Variants in GPC5 observed in about 807,000 individuals in gnomAD.
GPC5 encodes glypican 5.
In GPC5, 47 loss-of-function variants were observed where a neutral mutation model predicts 53.9. The observed-to-expected ratio is 0.87, with a 90% CI of 0.69 to 1.11. The LOEUF is 1.11. GPC5 is among the 50% of genes most tolerant of loss of function. The pLI is 0.00. For missense variants in GPC5, 748 were observed against 713.1 expected (o/e 1.05, Z -0.56); for synonymous variants, 286 against 263.3 (o/e 1.09, Z -0.84).
At chr13:92,303,452 G>T (rs187051974) in intron 7 of GPC5, among the ~76,000 whole-genome samples, 2 of 150,706 alleles carry the variant, frequency 1.3e-5, no homozygotes, top group Admixed American at 1.3e-4. Flanking sequence ...TTCCAAACAG[G>T]TCAGTAATTG....
At chr13:92,240,545 C>T (rs2042604497) in intron 7 of GPC5, 1 of 152,016 alleles carries the variant, frequency 6.6e-6, no homozygotes, top group African/African-American at 2.4e-5. Flanking sequence ...GCTCTGTTGC[C>T]CAGGCTAGAG....
intron 6 of GPC5, among the ~76,000 whole-genome samples, chr13:92,121,582 ATCT>A (rs1476604144): frequency 6.6e-6 from 1 of 152,186 alleles, no homozygotes; most frequent in African/African-American, 2.4e-5. Context: ...CAACTTTTGA[ATCT>A]TCTTCATTTC....
At chr13:92,636,758 T>C (rs755310917) in intron 7 of GPC5, among the ~76,000 whole-genome samples, 8 of 152,200 alleles carry the variant, frequency 5.3e-5, no homozygotes, top group African/African-American at 1.7e-4. Context: ...GCCTGACATA[T>C]GGTAGGTACT....
intron 7 of GPC5, among the ~76,000 whole-genome samples, chr13:92,217,476 G>T: frequency 6.6e-6 from 1 of 152,098 alleles, no homozygotes; most frequent in East Asian, 1.9e-4. Context: ...CTGTCAGATT[G>T]GTTTAGCCAG....
At chr13:92,115,219 A>G (rs1408481643) in intron 6 of GPC5, among the ~76,000 whole-genome samples, 2 of 152,242 alleles carry the variant, frequency 1.3e-5, no homozygotes, top group East Asian at 1.9e-4. Flanking sequence ...AAAATTTAAA[A>G]CAATTCTGGC....
chr13:92,825,916 A>G (rs1480553226), intron 7 of GPC5, among the ~76,000 whole-genome samples: 1 of 152,154 alleles, frequency 6.6e-6, no homozygotes, highest in Non-Finnish European at 1.5e-5. Context: ...TATTGATTCT[A>G]AAACAGCATA....
At chr13:92,455,750 A>G (rs1293171197) in intron 7 of GPC5, among the ~76,000 whole-genome samples, 1 of 152,226 alleles carries the variant, frequency 6.6e-6, no homozygotes, top group Admixed American at 6.5e-5. Flanking sequence ...TTTCTGAGCT[A>G]TCAGCTATTA....
At chr13:92,314,222 CCT>C (rs1166482534) in intron 7 of GPC5, among the ~76,000 whole-genome samples, 8 of 152,002 alleles carry the variant, frequency 5.3e-5, no homozygotes, top group African/African-American at 1.2e-4. Context: ...TTGTACCTTT[CCT>C]CTCTCTCTCT....
At chr13:92,512,651 A>G (rs1307562789) in intron 7 of GPC5, among the ~76,000 whole-genome samples, 1 of 152,020 alleles carries the variant, frequency 6.6e-6, no homozygotes, top group East Asian at 1.9e-4. Context: ...GCTCTTCTGT[A>G]TTTTCAGTGT....
Position 92,866,514 on chromosome 13 carries a change from A to T in GPC5, c.*75A>T, listed in dbSNP as rs1231953350. On this transcript the variant is annotated 3_prime_UTR_variant, in exon 8 of 8. Transcript: ENST00000377067. ...TCTCTGCATATGCCTGGAATAAGAG[A>T]TCCTTTTTCAATGTAACAATTATAT... 8.7e-7 allele frequency: 1 copy of T among 1,154,420 alleles called. No individual in the cohort carries two copies. The highest frequency in any genetic ancestry group is 1.6e-5 in the African/African-American group (1 of 63,352). 71.5% of individuals were successfully genotyped at this position (1,154,420 alleles called of 1,614,324 possible).
chr13:91,838,324 G>T (rs1482769545), intron 5 of GPC5, among the ~76,000 whole-genome samples: 1 of 151,978 alleles, frequency 6.6e-6, no homozygotes, highest in African/African-American at 2.4e-5. Flanking sequence ...TAGCTCAATA[G>T]GTGCTTCAGG....
chr13:92,489,160 A>T (rs1025511309), intron 7 of GPC5, among the ~76,000 whole-genome samples: 1 of 152,212 alleles, frequency 6.6e-6, no homozygotes, highest in African/African-American at 2.4e-5. Context: ...GTCTACTGCT[A>T]AACTCTGATG....
chr13:91,654,356 A>T (rs2034795778), intron 2 of GPC5, among the ~76,000 whole-genome samples: 1 of 152,210 alleles, frequency 6.6e-6, no homozygotes, highest in African/African-American at 2.4e-5. Context: ...TTAAAAATGG[A>T]AAATTCACAA....
chr13:91,690,897 G>C (rs973639437), intron 2 of GPC5, among the ~76,000 whole-genome samples: 1 of 152,138 alleles, frequency 6.6e-6, no homozygotes, highest in Non-Finnish European at 1.5e-5. Flanking sequence ...GGGTATCTTT[G>C]AATCTATCCT....
chr13:91,934,420 T>C (rs1353334395), intron 6 of GPC5, among the ~76,000 whole-genome samples: 1 of 151,870 alleles, frequency 6.6e-6, no homozygotes, highest in East Asian at 1.9e-4. Flanking sequence ...TCTAAATTAT[T>C]ATTTTGAGAG....
At chr13:91,973,105 A>G (rs1015874086) in intron 6 of GPC5, among the ~76,000 whole-genome samples, 2 of 152,166 alleles carry the variant, frequency 1.3e-5, no homozygotes, top group African/African-American at 4.8e-5. Flanking sequence ...CAGGTACACC[A>G]ATCAGATGTA....
intron 7 of GPC5, among the ~76,000 whole-genome samples, chr13:92,252,287 A>C (rs1385246919): frequency 2.0e-5 from 3 of 152,114 alleles, no homozygotes; most frequent in Non-Finnish European, 4.4e-5. Flanking sequence ...TAAACAGTGG[A>C]TATTTTTGGT....
chr13:92,493,299 G>T (rs190572224), intron 7 of GPC5, among the ~76,000 whole-genome samples: 1 of 152,264 alleles, frequency 6.6e-6, no homozygotes, highest in East Asian at 1.9e-4. Context: ...ATCATATTCG[G>T]AGAAATTAGA....
intron 2 of GPC5, among the ~76,000 whole-genome samples, chr13:91,669,012 A>G (rs1388457700): frequency 3.3e-5 from 5 of 152,212 alleles, no homozygotes; most frequent in Non-Finnish European, 2.9e-5. Flanking sequence ...GAGTACTTTC[A>G]AATGACAGTG....
Sources: allele counts gnomAD v4.1 joint callset (sites outside exome capture counted in the v4.1 genomes callset), GRCh38; gene constraint gnomAD v4.1.1; transcripts MANE v1.5; gene names NCBI Gene and HGNC (gene_info 2026-07-23, HGNC 2026-07-21).